PGBD5: variants seen among roughly 807,000 people sequenced by gnomAD.
The protein encoded by PGBD5 is piggyBac transposable element-derived protein 5.
PGBD5 carries 14 observed loss-of-function variants against 47.9 expected under a neutral mutation model. That is an observed-to-expected ratio of 0.29 (90% CI 0.19 to 0.46). PGBD5 has a LOEUF of 0.46. Among genes scored for constraint, PGBD5 ranks in the 20% least tolerant of loss-of-function variants. PGBD5 has a pLI of 1.00. For synonymous variants in PGBD5, 316 were observed against 306.3 expected, an observed-to-expected ratio of 1.03 and a Z score of -0.33; for missense variants, 635 against 716.0, an observed-to-expected ratio of 0.89 and a Z score of 1.29.
At position 230,325,390 on chromosome 1, in the gene PGBD5, C is replaced by T. The variant is rs1356007609; in HGVS notation, c.1299G>A (p.Gly433=). Residue 433 remains glycine, a synonymous_variant, in exon 6 of 7, where the codon GGG becomes GGA. Coordinates refer to ENST00000391860, the MANE Select transcript of PGBD5 (RefSeq NM_001258311.2). ...QQGVIIKRKS[G]EIPCPLAVEA... ...CCACGGCCAAGGGGCATGGGATCTC[C>T]CCACTCTTCCTTTTGATGATGACTC... 1.2e-6 allele frequency: 2 copies of T among 1,613,650 alleles called. No individual in the cohort carries two copies. Among genetic ancestry groups the T allele is most frequent in the African/African-American group, 1.3e-5 (1 of 75,038 alleles).
intron 1 of PGBD5, among the ~76,000 whole-genome samples, chr1:230,396,895 A>G (rs969845871): frequency 1.3e-5 from 2 of 152,144 alleles, no homozygotes; most frequent in African/African-American, 4.8e-5. Context: ...GGTGCTATGT[A>G]CAATGGCCAC....
At chr1:230,366,066 T>C (rs1382656060) in intron 1 of PGBD5, among the ~76,000 whole-genome samples, 2 of 152,226 alleles carry the variant, frequency 1.3e-5, no homozygotes, top group African/African-American at 4.8e-5. Context: ...CCCATTGTGA[T>C]TTGATTCCCT....
intron 1 of PGBD5, among the ~76,000 whole-genome samples, chr1:230,398,485 C>T (rs1657054679): frequency 6.6e-6 from 1 of 152,196 alleles, no homozygotes; most frequent in South Asian, 2.1e-4. Flanking sequence ...TTAAAGACCT[C>T]ATCTCCAAAG....
chr1:230,407,031 C>T (rs781554066), intron 1 of PGBD5, among the ~76,000 whole-genome samples: 6 of 152,154 alleles, frequency 3.9e-5, no homozygotes, highest in South Asian at 4.1e-4. Flanking sequence ...GACGGGGTTT[C>T]GCCACGTTGG....
At chr1:230,368,371 A>G (rs1163934750) in intron 1 of PGBD5, among the ~76,000 whole-genome samples, 1 of 152,270 alleles carries the variant, frequency 6.6e-6, no homozygotes, top group Non-Finnish European at 1.5e-5. Flanking sequence ...AAGTGCAAAC[A>G]TGAAATTTTT....
At chr1:230,337,316 G>A (rs764397554) in intron 3 of PGBD5, 28 bp from the exon 4 acceptor site, 20 of 1,575,004 alleles carry the variant, frequency 1.3e-5, no homozygotes, top group African/African-American at 4.0e-5. Flanking sequence ...AGAGGTTAGC[G>A]TGCTCACAGC....
At chr1:230,389,112 T>G (rs545467342) in intron 1 of PGBD5, among the ~76,000 whole-genome samples, 1 of 152,112 alleles carries the variant, frequency 6.6e-6, no homozygotes, top group East Asian at 1.9e-4. Flanking sequence ...AAGGCTTCGA[T>G]GCAAATCTCT....
At chr1:230,361,987 C>A (rs1283240393) in intron 1 of PGBD5, among the ~76,000 whole-genome samples, 2 of 152,248 alleles carry the variant, frequency 1.3e-5, no homozygotes, top group African/African-American at 4.8e-5. Flanking sequence ...ACGCAAAGGT[C>A]CTGTGGCCAG....
intron 1 of PGBD5, among the ~76,000 whole-genome samples, chr1:230,391,324 G>A (rs556173141): frequency 9.2e-5 from 14 of 152,116 alleles, no homozygotes; most frequent in Non-Finnish European, 1.8e-4. Flanking sequence ...TTGCGCATGG[G>A]ATTACAGTTT....
At chr1:230,362,536 C>T (rs1667764720) in intron 1 of PGBD5, among the ~76,000 whole-genome samples, 1 of 152,184 alleles carries the variant, frequency 6.6e-6, no homozygotes, top group African/African-American at 2.4e-5. Context: ...CCTCCTGACC[C>T]CCAGGCCAGC....
rs1043291310 is a variant in PGBD5 at position 230,317,696 on chromosome 1, A to G, written c.*5729T>C. ...GCCCCTTCCACCTGAGGGAGCCAGG[A>G]GGCTTGACACGTGAGGGAAGCCGCA... is the stretch of plus-strand genomic sequence containing the variant. On this transcript the variant is annotated 3_prime_UTR_variant, in exon 7 of 7. Transcript: ENST00000391860. 2.6e-4 allele frequency: 40 copies of G among 152,254 alleles called. 1 individual carries two copies. Among genetic ancestry groups the G allele is most frequent in the African/African-American group, 9.1e-4 (38 of 41,548 alleles). 9.4% of individuals were successfully genotyped at this position (152,254 alleles called of 1,614,324 possible). A position where few individuals can be genotyped will look rare whatever the true frequency, so the allele number is the denominator to read the frequency against.
chr1:230,377,914 T>C (rs1018362829), intron 1 of PGBD5, among the ~76,000 whole-genome samples: 12 of 152,326 alleles, frequency 7.9e-5, no homozygotes, highest in Admixed American at 7.2e-4. Context: ...CAAATAAGAA[T>C]GCAACTCTGG....
intron 1 of PGBD5, among the ~76,000 whole-genome samples, chr1:230,365,500 A>G (rs1571842441): frequency 6.6e-6 from 1 of 152,184 alleles, no homozygotes; most frequent in Non-Finnish European, 1.5e-5. Context: ...CGTACACATA[A>G]AAGAGCCACT....
chr1:230,350,839 G>C, intron 3 of PGBD5, 119 bp downstream of exon 3: 1 of 1,407,138 alleles, frequency 7.1e-7, no homozygotes, highest in East Asian at 2.4e-5. Context: ...GGGTGGACTT[G>C]GACCCACAGT....
chr1:230,374,604 C>T (rs570809670), intron 1 of PGBD5, among the ~76,000 whole-genome samples: 72 of 152,250 alleles, frequency 4.7e-4, no homozygotes, highest in African/African-American at 7.2e-4. Flanking sequence ...GTTCTTTATG[C>T]TTTTCTCAAT....
rs753442729 is a variant in PGBD5 at position 230,351,087 on chromosome 1, T to C, written c.765A>G (p.Leu255=). The C allele has an allele frequency of 1.2e-6, 2 of 1,612,162 alleles. No individual in the cohort carries two copies. Among genetic ancestry groups the C allele is most frequent in the South Asian group, 2.2e-5 (2 of 90,712 alleles). Residue 255 remains leucine, a synonymous_variant, in exon 3 of 7, where the codon CTA becomes CTG. Transcript: ENST00000391860. ...SAFRPSQTQV[L]HEPLIDEDPV... is the part of the protein sequence containing the mutation. ...GATCCTCATCGATCAGGGGTTCATG[T>C]AGCACCTGCCAGGAGGGAAAAAGCA...
At chr1:230,385,675 G>A (rs1656619593) in intron 1 of PGBD5, among the ~76,000 whole-genome samples, 2 of 152,116 alleles carry the variant, frequency 1.3e-5, no homozygotes, top group South Asian at 4.1e-4. Flanking sequence ...TTGCATTTTG[G>A]TAAATATCTG....
At chr1:230,360,487 G>C (rs1481925033) in intron 1 of PGBD5, among the ~76,000 whole-genome samples, 4 of 152,146 alleles carry the variant, frequency 2.6e-5, no homozygotes, top group South Asian at 2.1e-4. Flanking sequence ...TGTTGGGGAG[G>C]GACCTCCATG....
intron 1 of PGBD5, chr1:230,362,371 C>T (rs376138899): frequency 1.5e-6 from 2 of 1,365,546 alleles, no homozygotes; most frequent in Non-Finnish European, 9.8e-7. Flanking sequence ...CTGTCGCTGC[C>T]TCTGGCCTGG....
Sources: allele counts gnomAD v4.1 joint callset (sites outside exome capture counted in the v4.1 genomes callset), GRCh38; gene constraint gnomAD v4.1.1; transcripts MANE v1.5; gene names NCBI Gene and HGNC (gene_info 2026-07-23, HGNC 2026-07-21).